Variants in PTBP2 observed in about 807,000 individuals in gnomAD.
PTBP2 encodes polypyrimidine tract binding protein 2.
In PTBP2, 13 loss-of-function variants were observed where a neutral mutation model predicts 61.4. The observed-to-expected ratio is 0.21, with a 90% CI of 0.14 to 0.34. The LOEUF is 0.34. Among genes scored for constraint, PTBP2 ranks in the 10% least tolerant of loss-of-function variants. The pLI, the probability that PTBP2 is intolerant of heterozygous loss-of-function variation, is 1.00. For missense variants in PTBP2, 405 were observed against 642.6 expected, an observed-to-expected ratio of 0.63 and a Z score of 4.00; for synonymous variants, 215 against 218.5, an observed-to-expected ratio of 0.98 and a Z score of 0.14.
intron 5 of PTBP2, among the ~76,000 whole-genome samples, chr1:96,775,089 A>G (rs893286228): frequency 2.0e-5 from 3 of 152,232 alleles, no homozygotes; most frequent in Admixed American, 6.5e-5. Context: ...CCTAAAAGCT[A>G]TCCCCTGATA....
At chr1:96,731,288 AGTGT>A (rs1181396829) in intron 2 of PTBP2, among the ~76,000 whole-genome samples, 1 of 152,184 alleles carries the variant, frequency 6.6e-6, no homozygotes, top group African/African-American at 2.4e-5. Flanking sequence ...GTTTTTCACA[AGTGT>A]GTATGGGAGT....
chr1:96,752,592 T>A (rs189774681), intron 3 of PTBP2, among the ~76,000 whole-genome samples: 1 of 152,294 alleles, frequency 6.6e-6, no homozygotes, highest in Admixed American at 6.5e-5. Flanking sequence ...TTGATTTTGA[T>A]AGTCAAAGTA....
chr1:96,765,017 C>T (rs1656506365), intron 3 of PTBP2, among the ~76,000 whole-genome samples: 1 of 152,184 alleles, frequency 6.6e-6, no homozygotes, highest in African/African-American at 2.4e-5. Flanking sequence ...GCAGAAGTAC[C>T]ACCTATCTGC....
At chr1:96,775,414 T>TGC (rs1302527230) in intron 5 of PTBP2, among the ~76,000 whole-genome samples, 1 of 152,200 alleles carries the variant, frequency 6.6e-6, no homozygotes, top group African/African-American at 2.4e-5. Flanking sequence ...GCAGAATATG[T>TGC]TGTGTTGTAT....
Position 96,812,741 on chromosome 1 carries a change from T to G in PTBP2, c.1201T>G (p.Tyr401Asp). Residue 401 changes from tyrosine to aspartate, a missense_variant, in exon 12 of 14, where the codon TAT becomes GAT. Tyr to Asp is a radical substitution (Grantham distance 160, BLOSUM62 -3). This residue lies in a region of PTBP2 where 342 missense variants were observed against 491.2 expected (regional missense o/e 0.70). Transcript: ENST00000674951. Reference protein sequence around the residue: ...AMNHLNGQKMYGKIIRVTLSK... With the variant: ...AMNHLNGQKMDGKIIRVTLSK... ...GAATCATCTTAATGGACAGAAAATG[T>G]ATGGAAAAATTATTCGTGTTACTCT... is the stretch of plus-strand genomic sequence containing the variant. The G allele has an allele frequency of 6.2e-7, 1 of 1,603,884 alleles. No homozygotes were observed. Among genetic ancestry groups the G allele is most frequent in the Non-Finnish European group, 8.5e-7 (1 of 1,170,988 alleles).
intron 2 of PTBP2, among the ~76,000 whole-genome samples, chr1:96,730,422 T>C (rs941714013): frequency 1.3e-5 from 2 of 152,224 alleles, no homozygotes; most frequent in African/African-American, 4.8e-5. Flanking sequence ...CAAAATACTT[T>C]TTTAAATATT....
intron 8 of PTBP2, among the ~76,000 whole-genome samples, chr1:96,798,771 G>A (rs1660650829): frequency 1.3e-5 from 2 of 152,150 alleles, no homozygotes; most frequent in Non-Finnish European, 2.9e-5. Flanking sequence ...CTAATAAATT[G>A]TAATACCATA....
At position 96,765,679 on chromosome 1, in the gene PTBP2, C is replaced by T. The variant is rs1272183550; in HGVS notation, c.116-4024C>T. On this transcript the variant is annotated intron_variant, in intron 3 of 13. Coordinates refer to ENST00000674951, the MANE Select transcript of PTBP2 (RefSeq NM_021190.4). ...TCAACCAAGATCATGCCACTGCACT[C>T]CAGCCTGGCAATACAGCAAGACTCT... is the stretch of plus-strand genomic sequence containing the variant. Among the ~76,000 whole-genome samples, 4 of 151,330 alleles carry T rather than the reference C, an allele frequency of 2.6e-5. No individual in the cohort carries two copies. In the South Asian group the frequency reaches 8.4e-4, roughly 32 times the overall value.
chr1:96,820,357 G>T (rs1263430577), exon 14 of PTBP2: 1 of 152,062 alleles, frequency 6.6e-6, no homozygotes, highest in Non-Finnish European at 1.5e-5. Flanking sequence ...AGTACAGCTG[G>T]TTCTATTAGA....
chr1:96,800,115 A>G (rs923073394), intron 8 of PTBP2, among the ~76,000 whole-genome samples: 2 of 152,178 alleles, frequency 1.3e-5, no homozygotes, highest in Non-Finnish European at 2.9e-5. Context: ...TTCTTACACC[A>G]TACTGTGAAC....
chr1:96,807,481 A>G (rs1661606929), intron 11 of PTBP2, among the ~76,000 whole-genome samples: 1 of 152,216 alleles, frequency 6.6e-6, no homozygotes, highest in Admixed American at 6.5e-5. Context: ...GATTATTTTA[A>G]TTAAACTTAT....
At chr1:96,727,253 A>G (rs1022336239) in intron 2 of PTBP2, among the ~76,000 whole-genome samples, 1 of 152,250 alleles carries the variant, frequency 6.6e-6, no homozygotes, top group Non-Finnish European at 1.5e-5. Context: ...ATTGCTTAGT[A>G]ATAGTACACT....
At chr1:96,791,911 G>T (rs1379154366) in intron 8 of PTBP2, among the ~76,000 whole-genome samples, 1 of 143,146 alleles carries the variant, frequency 7.0e-6, no homozygotes, top group Non-Finnish European at 1.5e-5. Flanking sequence ...TCGGCTCACT[G>T]CAAGCTCCGC....
At chr1:96,778,978 T>G (rs1210040214) in intron 7 of PTBP2, among the ~76,000 whole-genome samples, 2 of 152,206 alleles carry the variant, frequency 1.3e-5, no homozygotes, top group Admixed American at 6.6e-5. Context: ...CTCTATATTG[T>G]CAACAAAACA....
intron 7 of PTBP2, among the ~76,000 whole-genome samples, 173 bp downstream of exon 7, chr1:96,778,119 G>T (rs1275957583): frequency 6.7e-6 from 1 of 149,528 alleles, no homozygotes; most frequent in Non-Finnish European, 1.5e-5. Context: ...TTTATTTTTA[G>T]GAAAATCATA....
chr1:96,808,706 A>G (rs771177496), intron 11 of PTBP2, among the ~76,000 whole-genome samples: 119 of 152,100 alleles, frequency 7.8e-4, no homozygotes, highest in Non-Finnish European at 1.3e-3. Context: ...GTGGTAAATA[A>G]TTCATCATTT....
intron 11 of PTBP2, among the ~76,000 whole-genome samples, chr1:96,811,228 T>C (rs1662052885): frequency 6.6e-6 from 1 of 152,178 alleles, no homozygotes; most frequent in South Asian, 2.1e-4. Flanking sequence ...ATCTGTTTTA[T>C]ATTTAATTGG....
At chr1:96,800,695 C>T (rs1480768248) in intron 8 of PTBP2, among the ~76,000 whole-genome samples, 1 of 152,176 alleles carries the variant, frequency 6.6e-6, no homozygotes, top group Non-Finnish European at 1.5e-5. Flanking sequence ...GATCATGCCA[C>T]TGCACTCTAG....
intron 8 of PTBP2, among the ~76,000 whole-genome samples, chr1:96,792,058 T>C (rs971260502): frequency 6.6e-6 from 1 of 151,906 alleles, no homozygotes; most frequent in African/African-American, 2.4e-5. Context: ...AGGATGGTCT[T>C]GATCTCCTGA....
Sources: allele counts gnomAD v4.1 joint callset (sites outside exome capture counted in the v4.1 genomes callset), GRCh38; gene constraint gnomAD v4.1.1; regional missense constraint gnomAD v4.1.1; transcripts MANE v1.5; gene names NCBI Gene and HGNC (gene_info 2026-07-23, HGNC 2026-07-21).